Variants in DENND4C observed in about 807,000 individuals in gnomAD.
DENND4C encodes the protein DENN domain-containing protein 4C.
DENND4C carries 108 observed loss-of-function variants against 203.0 expected under a neutral mutation model. The ratio of observed to expected loss-of-function variants is 0.53; its 90% CI spans 0.46 to 0.62. The LOEUF is 0.62. DENND4C is among the 20% of genes least tolerant of loss of function. The pLI is 0.00. For synonymous variants in DENND4C, 871 were observed against 792.4 expected (o/e 1.10, Z -1.67); for missense variants, 2,481 against 2,301.2 (o/e 1.08, Z -1.60).
chr9:19,243,361 CAT>C (rs879609361), intron 1 of DENND4C, among the ~76,000 whole-genome samples: 4 of 152,132 alleles, frequency 2.6e-5, no homozygotes, highest in Admixed American at 2.0e-4. Flanking sequence ...ACAAAATTAA[CAT>C]AACATGAAAT....
At chr9:19,303,915 G>C (rs1588879852) in intron 9 of DENND4C, among the ~76,000 whole-genome samples, 2 of 151,352 alleles carry the variant, frequency 1.3e-5, no homozygotes, top group East Asian at 1.9e-4. Flanking sequence ...GTCTCACTCT[G>C]TTGTCCAGGC....
At chr9:19,260,481 T>C (rs1040109342) in intron 1 of DENND4C, among the ~76,000 whole-genome samples, 1 of 152,118 alleles carries the variant, frequency 6.6e-6, no homozygotes, top group African/African-American at 2.4e-5. Flanking sequence ...TACTGCAACC[T>C]CCACCTCCTG....
chr9:19,231,861 G>T (rs1820651363), intron 1 of DENND4C, among the ~76,000 whole-genome samples: 1 of 151,670 alleles, frequency 6.6e-6, no homozygotes, highest in African/African-American at 2.4e-5. Context: ...GTTCTTCCTA[G>T]GCCCTAATTT....
rs181259572 is a variant in DENND4C at position 19,279,830 on chromosome 9, C to A, written c.305+3351C>A. On this transcript the variant is annotated intron_variant, in intron 2 of 32. Coordinates refer to ENST00000434457, the MANE Select transcript of DENND4C (RefSeq NM_001330640.2). ...CAGCGTGGGCAACAGAGCAAAAGAC[C>A]CTGCCTCAGAAGAAAAAAAAATCTA... Among the ~76,000 whole-genome samples the A allele has an allele frequency of 1.3e-5, 2 of 152,102 alleles. 1 individual carries two copies. The highest frequency in any genetic ancestry group is 3.9e-4 in the East Asian group (2 of 5,166).
intron 1 of DENND4C, among the ~76,000 whole-genome samples, chr9:19,250,029 T>C (rs1462713177): frequency 6.6e-6 from 1 of 152,300 alleles, no homozygotes; most frequent in East Asian, 1.9e-4. Flanking sequence ...CTGGGCGCTG[T>C]AGCTAATACC....
intron 1 of DENND4C, among the ~76,000 whole-genome samples, chr9:19,271,502 A>G (rs1831660428): frequency 6.6e-6 from 1 of 152,102 alleles, no homozygotes; most frequent in Non-Finnish European, 1.5e-5. Flanking sequence ...GCCTCTGGCC[A>G]GTAAGTGGAT....
Position 19,346,757 on chromosome 9 carries a change from T to G in DENND4C, c.3988T>G (p.Leu1330Val). ...TCTAGAGAGGAGATCAAGCCTACCT[T>G]TAGATCATGGTTCACCAGCACAGGA... ...HALERRSSLP[L>V]DHGSPAQENP... is the part of the protein sequence containing the mutation. Residue 1330 changes from leucine (L) to valine (V), a missense_variant, in exon 23 of 33, where the codon TTA (leucine) becomes GTA (valine). Coordinates refer to ENST00000434457, the MANE Select transcript of DENND4C (RefSeq NM_001330640.2). 1 of 1,614,146 alleles carries G rather than the reference T, an allele frequency of 6.2e-7. No individual in the cohort carries two copies. The highest frequency in any genetic ancestry group is 1.1e-5 in the South Asian group (1 of 91,088).
At chr9:19,325,883 G>C in intron 13 of DENND4C, 56 bp from the exon 14 acceptor site, 2 of 1,511,076 alleles carry the variant, frequency 1.3e-6, no homozygotes, top group Non-Finnish European at 1.8e-6. Flanking sequence ...AGATAAAAAT[G>C]TCTATTAAAT....
At chr9:19,301,082 G>T (rs1168724375) in intron 9 of DENND4C, among the ~76,000 whole-genome samples, 1 of 151,988 alleles carries the variant, frequency 6.6e-6, no homozygotes, top group Non-Finnish European at 1.5e-5. Flanking sequence ...GGAGGCTGAG[G>T]CAGGAGAATT....
At chr9:19,367,066 G>A (rs928062601) in intron 30 of DENND4C, among the ~76,000 whole-genome samples, 1 of 152,132 alleles carries the variant, frequency 6.6e-6, no homozygotes, top group African/African-American at 2.4e-5. Context: ...CAAATAAAAT[G>A]TTCAAATGGC....
Position 19,298,131 on chromosome 9 carries a change from AAG to A in DENND4C, c.1107+14_1107+15del, listed in dbSNP as rs1181552545. On this transcript the variant is annotated intron_variant, in intron 7 of 32. Transcript: ENST00000434457. ...CGAGAATCCTTGTCCAGGTAATCAA[AAG>A]AGAGTATATTTGGGGAGAACTTTGC... 1.2e-6 allele frequency: 2 copies of A among 1,605,772 alleles called. No homozygotes were observed. Among genetic ancestry groups the A allele is most frequent in the Admixed American group, 1.7e-5 (1 of 59,756 alleles).
intron 1 of DENND4C, 39 bp from the exon 2 acceptor site, chr9:19,276,119 T>A: frequency 9.4e-7 from 1 of 1,062,148 alleles, no homozygotes; most frequent in South Asian, 4.8e-5. Flanking sequence ...CAGGATAAAG[T>A]ATTTTATTTT....
intron 12 of DENND4C, 120 bp downstream of exon 12, chr9:19,316,959 A>T: frequency 1.1e-6 from 1 of 913,868 alleles, no homozygotes; most frequent in Non-Finnish European, 1.5e-6. Context: ...AATATAATGA[A>T]CCTCCATGTA....
At chr9:19,273,929 C>G (rs547610888) in intron 1 of DENND4C, among the ~76,000 whole-genome samples, 2 of 151,986 alleles carry the variant, frequency 1.3e-5, no homozygotes, top group Non-Finnish European at 2.9e-5. Flanking sequence ...CAAATGAAAG[C>G]ATTATGTCCA....
chr9:19,238,802 T>C (rs10757037), intron 1 of DENND4C, among the ~76,000 whole-genome samples: 121,077 of 147,486 alleles, frequency 0.82, 50,160 homozygotes, highest in Admixed American at 0.87. Flanking sequence ...TACAGGCATG[T>C]GCCACCACGT....
intron 1 of DENND4C, among the ~76,000 whole-genome samples, chr9:19,270,308 G>T (rs914459262): frequency 8.5e-5 from 13 of 152,170 alleles, no homozygotes; most frequent in Non-Finnish European, 1.6e-4. Flanking sequence ...TATTCAGCGG[G>T]TTGTGAATCT....
intron 1 of DENND4C, among the ~76,000 whole-genome samples, chr9:19,266,302 G>A (rs1272246784): frequency 6.6e-6 from 1 of 152,154 alleles, no homozygotes; most frequent in Admixed American, 6.6e-5. Context: ...TTTTGATGGG[G>A]TGGTTTGATT....
At position 19,290,044 on chromosome 9, in the gene DENND4C, A is replaced by G. The variant is rs988351587; in HGVS notation, c.629-660A>G. ...ATACTGAATTTGGGCTCAAAATTCT[A>G]CTACTGATTTTGAAGTTTTTCACTT... is the stretch of plus-strand genomic sequence containing the variant. On this transcript the variant is annotated intron_variant, in intron 4 of 32. Coordinates refer to ENST00000434457, the MANE Select transcript of DENND4C (RefSeq NM_001330640.2). Among the ~76,000 whole-genome samples, 16 of 152,290 alleles carry G rather than the reference A, an allele frequency of 1.1e-4. No homozygotes were observed. The East Asian group carries it at 3.1e-3, about 29-fold the overall frequency.
chr9:19,290,938 A>C, intron 5 of DENND4C, 62 bp downstream of exon 5: 1 of 1,486,282 alleles, frequency 6.7e-7, no homozygotes, highest in Non-Finnish European at 9.2e-7. Flanking sequence ...TAAAAAGGTT[A>C]ATACAAGTTT....
Sources: allele counts gnomAD v4.1 joint callset (sites outside exome capture counted in the v4.1 genomes callset), GRCh38; gene constraint gnomAD v4.1.1; transcripts MANE v1.5; gene names NCBI Gene and HGNC (gene_info 2026-07-23, HGNC 2026-07-21).